TBC1D5: variants seen among roughly 807,000 people sequenced by gnomAD.
The protein encoded by TBC1D5 is TBC1 domain family, member 5.
TBC1D5 carries 75 observed loss-of-function variants against 100.3 expected under a neutral mutation model. That is an observed-to-expected ratio of 0.75 (90% confidence interval 0.62 to 0.91). The LOEUF (loss-of-function observed/expected upper bound fraction) is 0.91. Among genes scored for constraint, TBC1D5 ranks in the 40% least tolerant of loss-of-function variants. The pLI is 0.00. For synonymous variants in TBC1D5, 323 were observed against 325.6 expected, an observed-to-expected ratio of 0.99 and a Z score of 0.09; for missense variants, 910 against 942.4, an observed-to-expected ratio of 0.97 and a Z score of 0.45.
At chr3:17,548,854 T>C (rs1478028816) in intron 2 of TBC1D5, among the ~76,000 whole-genome samples, 5 of 152,196 alleles carry the variant, frequency 3.3e-5, no homozygotes, top group Non-Finnish European at 7.3e-5. Context: ...TTGAAGCCCA[T>C]TGAAGTATAA....
intron 2 of TBC1D5, among the ~76,000 whole-genome samples, chr3:17,558,955 T>C (rs1053445905): frequency 2.0e-5 from 3 of 152,148 alleles, no homozygotes; most frequent in Non-Finnish European, 2.9e-5. Flanking sequence ...TCAACCCCTG[T>C]TCTAAATCAC....
At chr3:17,497,154 C>T (rs1289531692) in intron 3 of TBC1D5, among the ~76,000 whole-genome samples, 1 of 146,160 alleles carries the variant, frequency 6.8e-6, no homozygotes, top group African/African-American at 2.5e-5. Context: ...TGTATATCTG[C>T]ATATCTGGCT....
intron 14 of TBC1D5, among the ~76,000 whole-genome samples, chr3:17,304,978 AAAAC>A (rs200828313): frequency 0.012 from 1,874 of 152,278 alleles, 33 homozygotes; most frequent in African/African-American, 0.042. Context: ...GCATATATTA[AAAAC>A]AAACAAACAA....
intron 3 of TBC1D5, among the ~76,000 whole-genome samples, chr3:17,461,283 A>T (rs1202333658): frequency 2.6e-5 from 4 of 152,142 alleles, no homozygotes; most frequent in Non-Finnish European, 5.9e-5. Context: ...GTGCAAACAC[A>T]CCTCTGGTTG....
chr3:17,258,467 T>C, intron 16 of TBC1D5, 39 bp downstream of exon 16: 3 of 1,580,704 alleles, frequency 1.9e-6, no homozygotes, highest in Non-Finnish European at 2.6e-6. Flanking sequence ...TGAGACTACC[T>C]TTGTGATTTA....
intron 3 of TBC1D5, among the ~76,000 whole-genome samples, chr3:17,476,634 A>G (rs2095441320): frequency 6.6e-6 from 1 of 152,020 alleles, no homozygotes; most frequent in Non-Finnish European, 1.5e-5. Context: ...ATAACAAATC[A>G]ATGTAAAAAT....
intron 15 of TBC1D5, among the ~76,000 whole-genome samples, chr3:17,264,448 T>C (rs1393608167): frequency 6.6e-6 from 1 of 152,206 alleles, no homozygotes; most frequent in Non-Finnish European, 1.5e-5. Context: ...TGGCTATTTA[T>C]AAATATTGGC....
chr3:17,464,075 C>T (rs945135729), intron 3 of TBC1D5, among the ~76,000 whole-genome samples: 1 of 150,888 alleles, frequency 6.6e-6, no homozygotes, highest in African/African-American at 2.4e-5. Context: ...CCTCAGCCTT[C>T]CAAGTAGCTG....
At chr3:17,396,089 T>C (rs2093497127) in intron 8 of TBC1D5, among the ~76,000 whole-genome samples, 1 of 152,206 alleles carries the variant, frequency 6.6e-6, no homozygotes, top group East Asian at 1.9e-4. Context: ...CGACAACTCT[T>C]AGAGAGCGGC....
chr3:17,233,605 G>T, intron 17 of TBC1D5, 80 bp downstream of exon 18: 3 of 829,072 alleles, frequency 3.6e-6, no homozygotes, highest in Non-Finnish European at 5.6e-6. Context: ...TGGGCAAAAA[G>T]AAAAATGGAG....
At chr3:17,192,275 C>T (rs2070028834) in intron 18 of TBC1D5, among the ~76,000 whole-genome samples, 2 of 148,284 alleles carry the variant, frequency 1.3e-5, no homozygotes, top group African/African-American at 4.9e-5. Flanking sequence ...TAACTGATTC[C>T]AAATCAAACT....
intron 2 of TBC1D5, among the ~76,000 whole-genome samples, chr3:17,522,954 C>T (rs1479141001): frequency 6.6e-6 from 1 of 152,110 alleles, no homozygotes; most frequent in Non-Finnish European, 1.5e-5. Flanking sequence ...ATCTGTGGAA[C>T]GATGATGCAG....
chr3:17,571,985 T>C (rs2096630066), intron 2 of TBC1D5, among the ~76,000 whole-genome samples: 1 of 151,926 alleles, frequency 6.6e-6, no homozygotes, highest in African/African-American at 2.4e-5. Flanking sequence ...ACACAAGGCA[T>C]CTCTAATAAG....
intron 16 of TBC1D5, among the ~76,000 whole-genome samples, chr3:17,242,193 A>C (rs192746137): frequency 1.3e-3 from 195 of 152,248 alleles, no homozygotes; most frequent in African/African-American, 4.4e-3. Flanking sequence ...GCCTGTTCTT[A>C]TTACATTTCT....
At chr3:17,547,760 C>A (rs1341166626) in intron 2 of TBC1D5, among the ~76,000 whole-genome samples, 1 of 152,166 alleles carries the variant, frequency 6.6e-6, no homozygotes, top group Non-Finnish European at 1.5e-5. Context: ...CCTGATCACA[C>A]TGCACATGAG....
chr3:17,183,033 G>A (rs2125465183), intron 19 of TBC1D5, among the ~76,000 whole-genome samples: 2 of 152,188 alleles, frequency 1.3e-5, no homozygotes, highest in Non-Finnish European at 2.9e-5. Context: ...TCCAGGACTG[G>A]AAATCTCTCC....
chr3:17,703,902 T>G (rs2073559751), intron 1 of TBC1D5, among the ~76,000 whole-genome samples: 1 of 93,168 alleles, frequency 1.1e-5, no homozygotes, highest in Admixed American at 1.2e-4. Flanking sequence ...TTGATATTTG[T>G]GTTTTTTTTT....
intron 2 of TBC1D5, among the ~76,000 whole-genome samples, chr3:17,594,814 T>C (rs553118585): frequency 6.6e-6 from 1 of 152,258 alleles, no homozygotes; most frequent in East Asian, 1.9e-4. Flanking sequence ...TCTCAGGAGA[T>C]GCGAATGGGT....
At chr3:17,433,728 T>C (rs1351903844) in intron 3 of TBC1D5, among the ~76,000 whole-genome samples, 1 of 152,066 alleles carries the variant, frequency 6.6e-6, no homozygotes, top group Non-Finnish European at 1.5e-5. Context: ...CTTAACTCAT[T>C]CCAGCATTAA....
Sources: gnomAD v4.1 joint callset for allele counts (sites outside exome capture counted in the v4.1 genomes callset) on GRCh38, gnomAD v4.1.1 for gene constraint, MANE v1.5 for transcripts, NCBI Gene and HGNC (gene_info 2026-07-23, HGNC 2026-07-21) for gene names.